The following CSMD1 variants were observed in gnomAD, a reference collection of about 807,000 sequenced individuals.
CSMD1 encodes the protein CUB and Sushi multiple domains 1.
A neutral mutation model predicts 417.5 loss-of-function variants in CSMD1; 213 were observed. The ratio of observed to expected loss-of-function variants is 0.51; its 90% CI spans 0.46 to 0.57. The LOEUF (loss-of-function observed/expected upper bound fraction) is 0.57. Ranked by LOEUF, CSMD1 falls within the 20% of genes least tolerant of loss-of-function variation. The pLI is 0.00. For synonymous variants in CSMD1, 2,862 were observed against 1,736.8 expected, an observed-to-expected ratio of 1.65 and a Z score of -16.11; for missense variants, 6,923 against 4,529.7, an observed-to-expected ratio of 1.53 and a Z score of -15.17.
intron 3 of CSMD1, among the ~76,000 whole-genome samples, chr8:4,217,302 C>A (rs1258338589): frequency 6.6e-6 from 1 of 152,194 alleles, no homozygotes; most frequent in Non-Finnish European, 1.5e-5. Context: ...TCCATGCAAG[C>A]ACTGTGAATC....
chr8:4,027,821 G>C lies in CSMD1; in HGVS notation c.610+4084C>G, dbSNP rs561996302. ...GTAAGGCCAAGACACTTGAAATGAA[G>C]AGTATGACTTGAGATCTACATGATC... On this transcript the variant is annotated intron_variant, in intron 4 of 69. Transcript: ENST00000635120. 1.2e-4 allele frequency among the ~76,000 whole-genome samples: 18 copies of C among 151,352 alleles called. No homozygotes were observed. In the South Asian group the frequency reaches 3.6e-3, roughly 30 times the overall value.
At chr8:4,953,708 G>C (rs868261085) in intron 1 of CSMD1, among the ~76,000 whole-genome samples, 4 of 152,256 alleles carry the variant, frequency 2.6e-5, no homozygotes, top group Middle Eastern at 3.4e-3. Flanking sequence ...TTTACATGTT[G>C]CTAAATTTGC....
At chr8:4,972,111 A>G (rs1414433439) in intron 1 of CSMD1, among the ~76,000 whole-genome samples, 1 of 152,174 alleles carries the variant, frequency 6.6e-6, no homozygotes, top group African/African-American at 2.4e-5. Flanking sequence ...ATCTGATAAA[A>G]GAAAGAGTAA....
At chr8:3,538,521 C>G (rs934970239) in intron 10 of CSMD1, among the ~76,000 whole-genome samples, 1 of 151,706 alleles carries the variant, frequency 6.6e-6, no homozygotes, top group Non-Finnish European at 1.5e-5. Flanking sequence ...AGATGCCCCA[C>G]CTGCGATGCC....
intron 1 of CSMD1, among the ~76,000 whole-genome samples, chr8:4,761,339 T>C (rs1812027549): frequency 6.6e-6 from 1 of 151,830 alleles, no homozygotes; most frequent in Non-Finnish European, 1.5e-5. Flanking sequence ...AGTCAATTTT[T>C]ACATTAATTA....
chr8:3,324,900 C>T (rs749314818), intron 23 of CSMD1, among the ~76,000 whole-genome samples: 1 of 151,876 alleles, frequency 6.6e-6, no homozygotes, highest in African/African-American at 2.4e-5. Flanking sequence ...GTTCCTCGGT[C>T]TAGTTGCCTG....
At chr8:4,013,729 C>A (rs779472255) in intron 4 of CSMD1, among the ~76,000 whole-genome samples, 1 of 152,122 alleles carries the variant, frequency 6.6e-6, no homozygotes, top group Non-Finnish European at 1.5e-5. Flanking sequence ...CAAATGTTGG[C>A]GAACTATAGC....
At position 4,787,923 on chromosome 8, in the gene CSMD1, CT is replaced by C. The variant is rs1348184499; in HGVS notation, c.86-150366del. 13 of 1,591,170 alleles carry C rather than the reference CT, an allele frequency of 8.2e-6. No individual in the cohort carries two copies. In the African/African-American group the frequency reaches 1.7e-4, roughly 21 times the overall value. ...TTGATGTAACCACAAAGAAATTGTT[CT>C]TGCTGATGTAATTGACAATGATTCC... On this transcript the variant is annotated intron_variant, in intron 1 of 69. Transcript: ENST00000635120.
chr8:4,182,789 T>G (rs896333069), intron 3 of CSMD1, among the ~76,000 whole-genome samples: 1 of 151,958 alleles, frequency 6.6e-6, no homozygotes, highest in Non-Finnish European at 1.5e-5. Context: ...TTAAATGAAG[T>G]GAAGGGAATA....
intron 1 of CSMD1, among the ~76,000 whole-genome samples, chr8:4,791,864 T>C (rs546149699): frequency 2.6e-5 from 4 of 151,858 alleles, no homozygotes; most frequent in Admixed American, 6.6e-5. Context: ...CAAAAAAAAA[T>C]TTTTTTAGCT....
At chr8:4,652,054 A>C (rs1803931022) in intron 1 of CSMD1, among the ~76,000 whole-genome samples, 1 of 152,212 alleles carries the variant, frequency 6.6e-6, no homozygotes, top group Non-Finnish European at 1.5e-5. Flanking sequence ...GCCATGATTG[A>C]GTCAGGAAGA....
At chr8:3,696,729 T>C (rs898258247) in intron 7 of CSMD1, among the ~76,000 whole-genome samples, 1 of 152,212 alleles carries the variant, frequency 6.6e-6, no homozygotes, top group Non-Finnish European at 1.5e-5. Context: ...CGTTAAAGTA[T>C]AGGATCAAGT....
At chr8:3,206,209 G>T (rs889171619) in intron 30 of CSMD1, among the ~76,000 whole-genome samples, 3 of 143,600 alleles carry the variant, frequency 2.1e-5, no homozygotes, top group Non-Finnish European at 4.5e-5. Context: ...ACAAAATATA[G>T]AGAGGTGTGT....
chr8:4,086,430 T>C (rs949340057), intron 3 of CSMD1, among the ~76,000 whole-genome samples: 2 of 152,210 alleles, frequency 1.3e-5, no homozygotes, highest in African/African-American at 4.8e-5. Flanking sequence ...AATCATATTT[T>C]CTTAAAATAC....
chr8:3,691,203 C>T (rs2624073), intron 7 of CSMD1, among the ~76,000 whole-genome samples: 5,388 of 151,790 alleles, frequency 0.035, 321 homozygotes, highest in African/African-American at 0.12. Context: ...CACGTCTCTA[C>T]AAAAAATACA....
intron 5 of CSMD1, among the ~76,000 whole-genome samples, chr8:3,822,735 T>C (rs1431299662): frequency 6.6e-6 from 1 of 152,162 alleles, no homozygotes; most frequent in East Asian, 1.9e-4. Flanking sequence ...TGGGTTTTGT[T>C]TGGCACCAAA....
intron 12 of CSMD1, among the ~76,000 whole-genome samples, chr8:3,420,966 C>G (rs1049215197): frequency 6.6e-6 from 1 of 151,970 alleles, no homozygotes; most frequent in African/African-American, 2.4e-5. Context: ...GAGACTAATA[C>G]TGCCTATTTA....
intron 23 of CSMD1, 44 bp from the exon 24 acceptor site, chr8:3,308,547 A>ACAT: frequency 6.6e-7 from 1 of 1,513,744 alleles, no homozygotes; most frequent in Non-Finnish European, 9.1e-7. Context: ...TCAAGGGTGG[A>ACAT]CATCTGCCTT....
intron 7 of CSMD1, among the ~76,000 whole-genome samples, chr8:3,639,239 G>A (rs1797190556): frequency 6.6e-6 from 1 of 152,188 alleles, no homozygotes; most frequent in Non-Finnish European, 1.5e-5. Flanking sequence ...CTAGTCCATT[G>A]ACAATGAAAT....
Sources: gnomAD v4.1 joint callset for allele counts (sites outside exome capture counted in the v4.1 genomes callset) on GRCh38, gnomAD v4.1.1 for gene constraint, MANE v1.5 for transcripts, NCBI Gene and HGNC (gene_info 2026-07-23, HGNC 2026-07-21) for gene names.